HS3ST4: variants seen among roughly 807,000 people sequenced by gnomAD.
HS3ST4 encodes heparan sulfate-glucosamine 3-sulfotransferase 4, also known as heparan sulfate glucosamine 3-O-sulfotransferase 4.
In HS3ST4, 17 loss-of-function variants were observed where a neutral mutation model predicts 29.2. The ratio of observed to expected loss-of-function variants is 0.58; its 90% confidence interval spans 0.40 to 0.87. HS3ST4 has a LOEUF of 0.87. Among genes scored for constraint, HS3ST4 ranks in the 40% least tolerant of loss-of-function variants. The probability of loss-of-function intolerance (pLI) is 0.00; values close to 1 mark genes in which losing one functional copy is unlikely to be tolerated. For missense variants in HS3ST4, 627 were observed against 634.5 expected (o/e 0.99, Z 0.13); for synonymous variants, 314 against 285.7 (o/e 1.10, Z -1.00).
chr16:25,716,694 G>T (rs755646323), intron 1 of HS3ST4, among the ~76,000 whole-genome samples: 1 of 152,202 alleles, frequency 6.6e-6, no homozygotes, highest in Non-Finnish European at 1.5e-5. Flanking sequence ...GAGGGTTTCA[G>T]GCAGAGCATC....
intron 1 of HS3ST4, among the ~76,000 whole-genome samples, chr16:26,072,086 G>A (rs1898609824): frequency 6.6e-6 from 1 of 152,188 alleles, no homozygotes; most frequent in South Asian, 2.1e-4. Flanking sequence ...GTTTGAGAAA[G>A]TCAGCAGAGA....
At chr16:25,825,159 A>G (rs1967202666) in intron 1 of HS3ST4, among the ~76,000 whole-genome samples, 1 of 152,214 alleles carries the variant, frequency 6.6e-6, no homozygotes, top group Non-Finnish European at 1.5e-5. Flanking sequence ...GATTGCACTG[A>G]TGCATCTACA....
chr16:26,057,790 A>G (rs1479743024), intron 1 of HS3ST4, among the ~76,000 whole-genome samples: 1 of 150,140 alleles, frequency 6.7e-6, no homozygotes, highest in African/African-American at 2.5e-5. Flanking sequence ...CTTGCCAAGC[A>G]TTCCTTTTCG....
chr16:26,107,368 ACATATGCACACACACACATACATG>A (rs541935071), intron 1 of HS3ST4, among the ~76,000 whole-genome samples: 193 of 151,922 alleles, frequency 1.3e-3, no homozygotes, highest in Non-Finnish European at 2.4e-3. Flanking sequence ...ACACACACAC[ACATATGCACACACACACATACATG>A]CACATATGTA....
intron 1 of HS3ST4, among the ~76,000 whole-genome samples, chr16:26,097,928 T>G (rs1898947448): frequency 6.6e-6 from 1 of 152,222 alleles, no homozygotes; most frequent in Admixed American, 6.5e-5. Context: ...GCAAAGGTTA[T>G]GAACAGACAC....
chr16:25,827,570 A>G (rs1967233132), intron 1 of HS3ST4, among the ~76,000 whole-genome samples: 4 of 150,706 alleles, frequency 2.7e-5, no homozygotes, highest in East Asian at 1.9e-4. Flanking sequence ...TTTGGTTTCT[A>G]TCTTAGCGGA....
chr16:25,712,140 A>G (rs906874623), intron 1 of HS3ST4, among the ~76,000 whole-genome samples: 2 of 152,146 alleles, frequency 1.3e-5, no homozygotes, highest in African/African-American at 4.8e-5. Flanking sequence ...AAACAGTAAT[A>G]TAGACAAGAT....
At chr16:25,710,406 C>T (rs1330202908) in intron 1 of HS3ST4, among the ~76,000 whole-genome samples, 8 of 107,060 alleles carry the variant, frequency 7.5e-5, no homozygotes, top group African/African-American at 2.4e-4. Context: ...GATTAGGTCC[C>T]GGTCAATTTC....
chr16:25,891,659 G>T (rs140996480), intron 1 of HS3ST4, among the ~76,000 whole-genome samples: 1 of 152,178 alleles, frequency 6.6e-6, no homozygotes, highest in South Asian at 2.1e-4. Flanking sequence ...GGGAGGAAAC[G>T]TAAGCCCCAG....
At chr16:26,038,359 G>A (rs971020647) in intron 1 of HS3ST4, among the ~76,000 whole-genome samples, 1 of 145,860 alleles carries the variant, frequency 6.9e-6, no homozygotes, top group Non-Finnish European at 1.5e-5. Context: ...GTCATCACAC[G>A]GTGCATTTAC....
chr16:25,709,537 A>G (rs550808375), intron 1 of HS3ST4, among the ~76,000 whole-genome samples: 1 of 152,154 alleles, frequency 6.6e-6, no homozygotes, highest in South Asian at 2.1e-4. Flanking sequence ...AATAAAACAG[A>G]CACAGTGAGG....
At chr16:25,778,034 G>A (rs549715083) in intron 1 of HS3ST4, among the ~76,000 whole-genome samples, 2 of 152,092 alleles carry the variant, frequency 1.3e-5, no homozygotes, top group Admixed American at 1.3e-4. Flanking sequence ...GGGCCAGGTG[G>A]ATTGGGGGTC....
chr16:25,823,651 C>A (rs1164175905), intron 1 of HS3ST4, among the ~76,000 whole-genome samples: 2 of 152,198 alleles, frequency 1.3e-5, no homozygotes, highest in South Asian at 2.1e-4. Context: ...ACCTCCACCT[C>A]CCAGGTTCAA....
intron 1 of HS3ST4, among the ~76,000 whole-genome samples, chr16:25,817,087 A>T (rs1967100220): frequency 6.6e-6 from 1 of 152,218 alleles, no homozygotes; most frequent in East Asian, 1.9e-4. Flanking sequence ...TGCATTTCAA[A>T]GCTGCAGTTT....
At chr16:25,709,538 C>A (rs1303722939) in intron 1 of HS3ST4, among the ~76,000 whole-genome samples, 1 of 152,132 alleles carries the variant, frequency 6.6e-6, no homozygotes, top group African/African-American at 2.4e-5. Context: ...ATAAAACAGA[C>A]ACAGTGAGGT....
chr16:25,760,423 GT>G (rs386384530), intron 1 of HS3ST4, among the ~76,000 whole-genome samples: 32 of 139,428 alleles, frequency 2.3e-4, no homozygotes, highest in Admixed American at 3.6e-4. Context: ...ATGACTCCAT[GT>G]TTTTTTTTTT....
At chr16:25,733,875 T>C (rs1021540917) in intron 1 of HS3ST4, among the ~76,000 whole-genome samples, 1 of 152,076 alleles carries the variant, frequency 6.6e-6, no homozygotes, top group Admixed American at 6.5e-5. Flanking sequence ...TCTCAACACT[T>C]TGGGAGGCAG....
chr16:25,836,618 A>G (rs1967358920), intron 1 of HS3ST4, among the ~76,000 whole-genome samples: 1 of 152,212 alleles, frequency 6.6e-6, no homozygotes, highest in South Asian at 2.1e-4. Flanking sequence ...ATATGGAGCT[A>G]AAATAACAGT....
intron 1 of HS3ST4, among the ~76,000 whole-genome samples, chr16:25,976,362 A>G (rs773347940): frequency 6.6e-6 from 1 of 151,956 alleles, no homozygotes; most frequent in African/African-American, 2.4e-5. Flanking sequence ...CTGGAGTGTA[A>G]TGGTGCCATC....
Sources: allele counts gnomAD v4.1 joint callset (sites outside exome capture counted in the v4.1 genomes callset), GRCh38; gene constraint gnomAD v4.1.1; transcripts MANE v1.5; gene names NCBI Gene and HGNC (gene_info 2026-07-23, HGNC 2026-07-21).